ADGRG2: variants seen among roughly 807,000 people sequenced by gnomAD.
ADGRG2 encodes the protein adhesion G protein-coupled receptor G2, also known as G protein-coupled receptor 64.
A neutral mutation model predicts 74.1 loss-of-function variants in ADGRG2; 26 were observed. The observed-to-expected ratio is 0.35, with a 90% CI of 0.26 to 0.49. The LOEUF (loss-of-function observed/expected upper bound fraction) is 0.49. ADGRG2 is among the 20% of genes least tolerant of loss of function. The probability of loss-of-function intolerance (pLI) is 0.99; values close to 1 mark genes in which losing one functional copy is unlikely to be tolerated. For synonymous variants in ADGRG2, 296 were observed against 295.2 expected, an observed-to-expected ratio of 1.00 and a Z score of -0.03; for missense variants, 619 against 763.1, an observed-to-expected ratio of 0.81 and a Z score of 2.22.
chrX:19,029,831 CG>C (rs1233246464), intron 9 of ADGRG2, among the ~76,000 whole-genome samples: 3 of 109,943 alleles, frequency 2.7e-5, no homozygotes, highest in East Asian at 5.7e-4. Context: ...ATTCGGTGAA[CG>C]GAAGAGTCAG....
intron 1 of ADGRG2, among the ~76,000 whole-genome samples, chrX:19,086,094 T>C (rs904974709): frequency 9.0e-6 from 1 of 111,626 alleles, no homozygotes; most frequent in Admixed American, 9.5e-5. Context: ...GAAAGGCCCA[T>C]CCTTCAGTCC....
chrX:18,999,991 ATTTTTTTTT>A (rs754958892), intron 24 of ADGRG2, 31 bp from the exon 25 acceptor site: 2 of 393,334 alleles, frequency 5.1e-6, no homozygotes, highest in East Asian at 5.7e-5. Context: ...GTCACACCTA[ATTTTTTTTT>A]TTTTTTTTTT....
At chrX:19,117,460 C>T (rs953884507) in intron 1 of ADGRG2, among the ~76,000 whole-genome samples, 3 of 110,658 alleles carry the variant, frequency 2.7e-5, no homozygotes, top group Non-Finnish European at 5.7e-5. Context: ...TCAGTACACC[C>T]AGCATTCCCC....
At chrX:19,042,807 A>C (rs1275129607) in intron 3 of ADGRG2, among the ~76,000 whole-genome samples, 1 of 111,173 alleles carries the variant, frequency 9.0e-6, no homozygotes, top group African/African-American at 3.3e-5. Flanking sequence ...CCTGGCCAAC[A>C]TGGCGAAACC....
chrX:19,068,762 G>C lies in ADGRG2; in HGVS notation c.73C>G (p.Leu25Val), dbSNP rs987176474. 2 of 1,153,801 alleles carry C rather than the reference G, an allele frequency of 1.7e-6. No homozygotes were observed. Among genetic ancestry groups the C allele is most frequent in the African/African-American group, 3.6e-5 (2 of 55,966 alleles). The change falls in exon 3 of 29, where the codon CTT (leucine) becomes GTT (valine). Residue 25 changes from leucine to valine, a missense_variant. This residue lies in a region of ADGRG2 where 292 missense variants were observed against 318.0 expected (regional missense o/e 0.92). Transcript: ENST00000379869. ...ACGACATGAAGACAAATGATGACAA[G>C]GAATATCTTGAACGTCAGTAAAACT... ...EEVLLTFKIF[L>V]VIICLHVVLV... is the part of the protein sequence containing the mutation.
intron 1 of ADGRG2, among the ~76,000 whole-genome samples, chrX:19,098,420 A>G (rs1253056345): frequency 8.9e-6 from 1 of 112,163 alleles, no homozygotes; most frequent in Non-Finnish European, 1.9e-5. Context: ...CAAAATGCCA[A>G]CTGGAGGGGG....
intron 3 of ADGRG2, among the ~76,000 whole-genome samples, chrX:19,048,301 A>G (rs993164547): frequency 4.4e-5 from 5 of 112,675 alleles, no homozygotes; most frequent in Non-Finnish European, 7.5e-5. Flanking sequence ...AAGGGGGTCT[A>G]TCTTTAATTA....
chrX:19,046,654 A>G (rs938946593), intron 3 of ADGRG2, among the ~76,000 whole-genome samples: 6 of 112,308 alleles, frequency 5.3e-5, no homozygotes, highest in Non-Finnish European at 7.5e-5. Flanking sequence ...GAAGAACTGG[A>G]GCAATCCAGA....
intron 15 of ADGRG2, 108 bp from the exon 16 acceptor site, chrX:19,014,182 A>G: frequency 3.3e-6 from 2 of 604,739 alleles, no homozygotes; most frequent in South Asian, 3.1e-5. Context: ...ACGTAGTTAC[A>G]TCAGGGACAT....
At chrX:19,092,818 T>C (rs1455562614) in intron 1 of ADGRG2, among the ~76,000 whole-genome samples, 1 of 111,803 alleles carries the variant, frequency 8.9e-6, no homozygotes, top group Non-Finnish European at 1.9e-5. Context: ...GCACTTGTTC[T>C]GTGAAGGCTA....
At chrX:19,075,341 A>G (rs781026198) in intron 2 of ADGRG2, among the ~76,000 whole-genome samples, 7 of 111,081 alleles carry the variant, frequency 6.3e-5, no homozygotes, top group Admixed American at 1.9e-4. Flanking sequence ...TAGGCTGGGC[A>G]TGCAGTGGCT....
intron 9 of ADGRG2, 57 bp downstream of exon 9, chrX:19,030,927 C>A: frequency 1.3e-6 from 1 of 795,322 alleles, no homozygotes; most frequent in Non-Finnish European, 1.9e-6. Context: ...GAAAGTGAAC[C>A]ATTTATCTCT....
chrX:19,097,697 C>T (rs1321404001), intron 1 of ADGRG2, among the ~76,000 whole-genome samples: 4 of 111,614 alleles, frequency 3.6e-5, no homozygotes, highest in Admixed American at 9.6e-5. Flanking sequence ...CTCCCCACCC[C>T]GGCCCCGGTG....
At chrX:19,040,163 C>T (rs780540885) in intron 4 of ADGRG2, 26 bp downstream of exon 4, 37 of 1,036,469 alleles carry the variant, frequency 3.6e-5, no homozygotes, top group Non-Finnish European at 5.0e-5. Flanking sequence ...CCTGAAATTC[C>T]CCAGAGTTCT....
chrX:19,083,058 C>T (rs1019732441), intron 1 of ADGRG2, among the ~76,000 whole-genome samples: 2 of 111,598 alleles, frequency 1.8e-5, no homozygotes, highest in African/African-American at 3.3e-5. Flanking sequence ...GGCTGGAGTG[C>T]AGTGGCATGA....
intron 1 of ADGRG2, among the ~76,000 whole-genome samples, chrX:19,113,638 C>T (rs1003139009): frequency 7.2e-5 from 8 of 111,882 alleles, no homozygotes; most frequent in African/African-American, 1.6e-4. Context: ...CCTAGGTACA[C>T]GAGCAAGAGT....
intron 13 of ADGRG2, among the ~76,000 whole-genome samples, chrX:19,021,983 G>T (rs2060599196): frequency 9.1e-6 from 1 of 109,358 alleles, no homozygotes; most frequent in Admixed American, 9.6e-5. Flanking sequence ...TCTTTCTGGG[G>T]CCGGGTGCGG....
Position 19,033,641 on chromosome X carries a change from G to T in ADGRG2, c.276C>A (p.Ile92=). 1.2e-6 allele frequency: 1 copy of T among 828,662 alleles called. No individual in the cohort carries two copies. The highest frequency in any genetic ancestry group is 1.8e-6 in the Non-Finnish European group (1 of 561,822). The allele number at this position is 828,662 out of a possible 1,213,427, so 68.3% of individuals were successfully genotyped here. Reference sequence around the variant, plus strand: ...ATGCATTGAAGGTTTTTACTATAGTGATTTTAGTTTTTTCTGCAAAGAAAC... The same window carrying T: ...ATGCATTGAAGGTTTTTACTATAGTTATTTTAGTTTTTTCTGCAAAGAAAC... ...LPSNETEKTK[I]TIVKTFNASG... is the part of the protein sequence containing the mutation. The change falls in exon 8 of 29, where the codon ATC becomes ATA. Residue 92 remains isoleucine (I), a synonymous_variant. Coordinates refer to ENST00000379869, the MANE Select transcript of ADGRG2 (RefSeq NM_001079858.3).
At chrX:19,118,345 T>C (rs752908901) in intron 1 of ADGRG2, among the ~76,000 whole-genome samples, 11 of 112,472 alleles carry the variant, frequency 9.8e-5, no homozygotes, top group Non-Finnish European at 1.9e-4. Flanking sequence ...CTCACTACCA[T>C]AGAAAATGAA....
Sources: allele counts gnomAD v4.1 joint callset (sites outside exome capture counted in the v4.1 genomes callset), GRCh38; gene constraint gnomAD v4.1.1; regional missense constraint gnomAD v4.1.1; transcripts MANE v1.5; gene names NCBI Gene and HGNC (gene_info 2026-07-23, HGNC 2026-07-21).